The following PTPRD variants were observed in gnomAD, a reference collection of about 807,000 sequenced individuals.
PTPRD encodes the protein protein tyrosine phosphatase receptor type D.
PTPRD carries 34 observed loss-of-function variants against 214.5 expected under a neutral mutation model. The observed-to-expected ratio is 0.16, with a 90% CI of 0.12 to 0.21. PTPRD has a LOEUF of 0.21. Ranked by LOEUF, PTPRD falls within the 10% of genes least tolerant of loss-of-function variation. The pLI is 1.00. For missense variants in PTPRD, 2,545 were observed against 2,398.7 expected (o/e 1.06, Z -1.27); for synonymous variants, 1,128 against 845.7 (o/e 1.33, Z -5.79).
intron 35 of PTPRD, among the ~76,000 whole-genome samples, chr9:8,426,160 G>A (rs541639521): frequency 6.6e-6 from 1 of 152,150 alleles, no homozygotes; most frequent in Non-Finnish European, 1.5e-5. Context: ...TTGACCAAGC[G>A]CAGAGGGCAA....
chr9:8,919,387 G>C (rs1278617629), intron 11 of PTPRD, among the ~76,000 whole-genome samples: 4 of 60,992 alleles, frequency 6.6e-5, no homozygotes. Context: ...GTGAGACCCT[G>C]TCTCAAAAAA....
At chr9:8,493,595 T>C (rs1450113203) in intron 26 of PTPRD, among the ~76,000 whole-genome samples, 1 of 152,196 alleles carries the variant, frequency 6.6e-6, no homozygotes, top group African/African-American at 2.4e-5. Flanking sequence ...TAATGGATTG[T>C]ATTATCATTT....
At chr9:9,149,022 T>C (rs2099873308) in intron 10 of PTPRD, among the ~76,000 whole-genome samples, 1 of 152,192 alleles carries the variant, frequency 6.6e-6, no homozygotes, top group African/African-American at 2.4e-5. Context: ...TGTAAACTTA[T>C]AATGAAGAAC....
intron 9 of PTPRD, among the ~76,000 whole-genome samples, chr9:9,252,118 G>A (rs2099975723): frequency 6.6e-6 from 1 of 151,946 alleles, no homozygotes; most frequent in Non-Finnish European, 1.5e-5. Context: ...GTACTCTGTT[G>A]TAGGGGACCA....
chr9:9,694,913 C>A (rs1430491414), intron 7 of PTPRD, among the ~76,000 whole-genome samples: 3 of 152,154 alleles, frequency 2.0e-5, no homozygotes, highest in Non-Finnish European at 2.9e-5. Flanking sequence ...AGAGCCTAAG[C>A]CTGGACTCGG....
intron 3 of PTPRD, among the ~76,000 whole-genome samples, chr9:10,272,691 T>C (rs1015677612): frequency 2.0e-5 from 3 of 152,234 alleles, no homozygotes; most frequent in Admixed American, 6.5e-5. Context: ...GTGTTTGAAC[T>C]CACATAAGTA....
chr9:10,491,760 A>T (rs893497111), intron 2 of PTPRD, among the ~76,000 whole-genome samples: 2 of 152,016 alleles, frequency 1.3e-5, no homozygotes, highest in African/African-American at 4.8e-5. Context: ...TATGTGCAGA[A>T]CATGCAGGTT....
intron 4 of PTPRD, among the ~76,000 whole-genome samples, chr9:10,008,840 A>G (rs910249573): frequency 7.9e-5 from 12 of 152,068 alleles, no homozygotes; most frequent in South Asian, 2.1e-4. Context: ...AAAGACCAAA[A>G]TAAAGAACCA....
chr9:8,747,659 A>C (rs770979587), intron 11 of PTPRD, among the ~76,000 whole-genome samples: 3 of 152,212 alleles, frequency 2.0e-5, no homozygotes, highest in Non-Finnish European at 4.4e-5. Context: ...GGACCTCACG[A>C]GGACGTAGTT....
At chr9:9,927,095 A>T (rs1382262663) in intron 5 of PTPRD, among the ~76,000 whole-genome samples, 1 of 152,192 alleles carries the variant, frequency 6.6e-6, no homozygotes, top group Non-Finnish European at 1.5e-5. Flanking sequence ...ACCGCTATAA[A>T]CATCACAGAT....
intron 12 of PTPRD, among the ~76,000 whole-genome samples, chr9:8,684,023 A>G (rs1370202523): frequency 1.3e-5 from 2 of 152,202 alleles, no homozygotes; most frequent in East Asian, 1.9e-4. Flanking sequence ...AGGTAAGGTC[A>G]GAAGACTCCA....
At chr9:9,628,799 T>A (rs1215086809) in intron 7 of PTPRD, among the ~76,000 whole-genome samples, 1 of 151,958 alleles carries the variant, frequency 6.6e-6, no homozygotes, top group Admixed American at 6.6e-5. Context: ...TTTATAGGAA[T>A]AAAATCATTA....
At chr9:9,088,031 A>G (rs2099769914) in intron 10 of PTPRD, among the ~76,000 whole-genome samples, 1 of 151,176 alleles carries the variant, frequency 6.6e-6, no homozygotes, top group Non-Finnish European at 1.5e-5. Context: ...ACAAGCGTGC[A>G]CCACCATGCC....
intron 10 of PTPRD, among the ~76,000 whole-genome samples, chr9:9,097,278 T>C (rs2099784857): frequency 6.6e-6 from 1 of 152,124 alleles, no homozygotes; most frequent in Admixed American, 6.5e-5. Context: ...AGCACTATAA[T>C]GAGGAGATTC....
intron 5 of PTPRD, among the ~76,000 whole-genome samples, chr9:9,787,133 T>C (rs575244873): frequency 7.2e-6 from 1 of 139,084 alleles, no homozygotes; most frequent in South Asian, 2.4e-4. Context: ...TGAAATTCCA[T>C]CTCAATTTAA....
intron 9 of PTPRD, among the ~76,000 whole-genome samples, chr9:9,340,437 A>ATAAAATATTACC (rs1366578946): frequency 2.1e-4 from 32 of 152,330 alleles, no homozygotes; most frequent in African/African-American, 7.5e-4. Context: ...TACATTATGG[A>ATAAAATATTACC]TAAAATATTA....
rs1392530415 is a variant in PTPRD at position 9,685,746 on chromosome 9, G to A, written c.-287+48787C>T. Among the ~76,000 whole-genome samples the A allele has an allele frequency of 2.0e-5, 3 of 150,516 alleles. No individual in the cohort carries two copies. In the East Asian group the frequency reaches 5.8e-4, roughly 29 times the overall value. On this transcript the variant is annotated intron_variant, in intron 7 of 45. Coordinates refer to ENST00000381196, the MANE Select transcript of PTPRD (RefSeq NM_002839.4). ...TTGAAAAGTAAACCAGAATATTTTA[G>A]CAGTAAAATTTTATAGGCAGTTTCA...
chr9:10,436,126 T>C (rs2098715488), intron 2 of PTPRD, among the ~76,000 whole-genome samples: 1 of 151,828 alleles, frequency 6.6e-6, no homozygotes, highest in Admixed American at 6.6e-5. Flanking sequence ...CTCAATAAAC[T>C]GCTCTTTTAG....
chr9:9,319,862 T>C (rs1459808000), intron 9 of PTPRD, among the ~76,000 whole-genome samples: 1 of 152,180 alleles, frequency 6.6e-6, no homozygotes, highest in African/African-American at 2.4e-5. Flanking sequence ...AGCCAGTCTC[T>C]ATAACAAATT....
Sources: gnomAD v4.1 joint callset for allele counts (sites outside exome capture counted in the v4.1 genomes callset) on GRCh38, gnomAD v4.1.1 for gene constraint, MANE v1.5 for transcripts, NCBI Gene and HGNC (gene_info 2026-07-23, HGNC 2026-07-21) for gene names.